The following IRF8 variants were observed in gnomAD, a reference collection of about 807,000 sequenced individuals.
IRF8 encodes interferon consensus sequence binding protein 1.
In IRF8, 14 loss-of-function variants were observed where a neutral mutation model predicts 48.7. The ratio of observed to expected loss-of-function variants is 0.29; its 90% CI spans 0.19 to 0.45. The LOEUF (loss-of-function observed/expected upper bound fraction) is 0.45, where lower values mean the gene tolerates loss of function less well. IRF8 is among the 20% of genes least tolerant of loss of function. The pLI is 1.00. For missense variants in IRF8, 493 were observed against 580.7 expected (o/e 0.85, Z 1.55); for synonymous variants, 278 against 227.3 (o/e 1.22, Z -2.01).
intron 2 of IRF8, among the ~76,000 whole-genome samples, chr16:85,906,238 A>T (rs1230572624): frequency 3.3e-5 from 5 of 151,888 alleles, no homozygotes; most frequent in Non-Finnish European, 5.9e-5. Flanking sequence ...AATTAGGAAG[A>T]CCTCCTGGTC....
At chr16:85,904,812 C>CTTTTTTTTTTTTTTTTGTTTTTTTTT (rs1904942372) in intron 2 of IRF8, among the ~76,000 whole-genome samples, 1 of 87,598 alleles carries the variant, frequency 1.1e-5, no homozygotes, top group African/African-American at 4.9e-5. Flanking sequence ...GATTGCAGAT[C>CTTTTTTTTTTTTTTTTGTTTTTTTTT]TTTTTTTTTT....
rs1281772022 is a variant in IRF8, at chr16:85,911,671, A to G, written c.447+13A>G. 1 of 1,609,834 alleles carries G rather than the reference A, an allele frequency of 6.2e-7. No individual in the cohort carries two copies. On this transcript the variant is annotated intron_variant, in intron 4 of 8. Transcript: ENST00000268638. ...GCTGATCAAGGAGGTAAGCAGAGGC[A>G]GCATTTCAGGGGTCTGGCCCTGCCA... is the stretch of plus-strand genomic sequence containing the variant.
chr16:85,908,849 T>C (rs1905070470), intron 2 of IRF8, 141 bp from the exon 3 acceptor site: 4 of 796,392 alleles, frequency 5.0e-6, no homozygotes, highest in African/African-American at 1.7e-5. Flanking sequence ...TGGAGTCTCT[T>C]TGGGTCCTGA....
intron 3 of IRF8, chr16:85,909,619 A>T (rs572454846): frequency 3.4e-3 from 775 of 227,480 alleles, no homozygotes; most frequent in Non-Finnish European, 5.9e-3. Flanking sequence ...GATATGCCTC[A>T]GTGTGTTACT....
intron 5 of IRF8, 121 bp downstream of exon 5, chr16:85,913,357 G>A: frequency 1.3e-6 from 1 of 755,234 alleles, no homozygotes; most frequent in African/African-American, 1.7e-5. Context: ...ATTAAAGGTA[G>A]CTCAGCCCTG....
intron 6 of IRF8, among the ~76,000 whole-genome samples, chr16:85,915,747 C>G (rs536026374): frequency 5.9e-5 from 9 of 152,292 alleles, no homozygotes; most frequent in African/African-American, 2.2e-4. Context: ...AGTCTGCTGA[C>G]CAGTGCTTTC....
At chr16:85,916,730 G>C (rs1357628802) in intron 6 of IRF8, among the ~76,000 whole-genome samples, 1 of 152,220 alleles carries the variant, frequency 6.6e-6, no homozygotes, top group Non-Finnish European at 1.5e-5. Context: ...CATTCATTTG[G>C]AACAAAGTTC....
chr16:85,906,069 C>T (rs1431736192), intron 2 of IRF8, among the ~76,000 whole-genome samples: 1 of 152,134 alleles, frequency 6.6e-6, no homozygotes, highest in African/African-American at 2.4e-5. Context: ...GGGGGAAAAT[C>T]TAGTTAAGTG....
At chr16:85,921,058 C>T (rs1198769984) in intron 8 of IRF8, 48 bp from the exon 9 acceptor site, 1 of 1,566,284 alleles carries the variant, frequency 6.4e-7, no homozygotes, top group South Asian at 1.2e-5. Flanking sequence ...TGCCCACCCC[C>T]TTTGGAGCCT....
At chr16:85,913,004 G>T in intron 4 of IRF8, 127 bp from the exon 5 acceptor site, 1 of 808,240 alleles carries the variant, frequency 1.2e-6, no homozygotes, top group African/African-American at 1.7e-5. Flanking sequence ...CTTGACTTTT[G>T]TCTCCTGAGA....
chr16:85,916,851 G>A (rs568287728), intron 6 of IRF8, among the ~76,000 whole-genome samples: 4 of 152,268 alleles, frequency 2.6e-5, no homozygotes, highest in South Asian at 4.1e-4. Flanking sequence ...CGAGACCAGC[G>A]GGGAAGATGG....
At chr16:85,899,545 C>T (rs1904757312) in intron 1 of IRF8, among the ~76,000 whole-genome samples, 1 of 152,200 alleles carries the variant, frequency 6.6e-6, no homozygotes, top group Admixed American at 6.5e-5. Flanking sequence ...ATAGCAACCC[C>T]CTATCTTGAA....
At chr16:85,904,812 CTTTTTTTTTT>C (rs1177860791) in intron 2 of IRF8, among the ~76,000 whole-genome samples, 1 of 87,598 alleles carries the variant, frequency 1.1e-5, no homozygotes, top group African/African-American at 4.9e-5. Context: ...GATTGCAGAT[CTTTTTTTTTT>C]TTTTTTTTTT....
chr16:85,900,019 A>C (rs1197012813), intron 1 of IRF8, among the ~76,000 whole-genome samples: 1 of 152,234 alleles, frequency 6.6e-6, no homozygotes, highest in Non-Finnish European at 1.5e-5. Context: ...ACTGGTAGTT[A>C]AAATGACAGT....
intron 1 of IRF8, 137 bp downstream of exon 1, chr16:85,899,360 C>T (rs1222557668): frequency 6.6e-6 from 1 of 152,284 alleles, no homozygotes. Context: ...ACCCGTGTCC[C>T]TCTCTGCTTT....
chr16:85,901,132 G>C (rs1204421480), intron 1 of IRF8: 1 of 152,206 alleles, frequency 6.6e-6, no homozygotes, highest in Non-Finnish European at 1.5e-5. Context: ...TTTGGTATTG[G>C]TGTTCCATTT....
At chr16:85,914,973 A>G (rs1905256432) in intron 6 of IRF8, among the ~76,000 whole-genome samples, 1 of 152,192 alleles carries the variant, frequency 6.6e-6, no homozygotes, top group Admixed American at 6.5e-5. Flanking sequence ...CAGGAGAGAC[A>G]GTGAGGGACA....
At chr16:85,911,808 C>T (rs1031287793) in intron 4 of IRF8, 150 bp downstream of exon 4, 55 of 704,608 alleles carry the variant, frequency 7.8e-5, no homozygotes, top group South Asian at 5.4e-4. Flanking sequence ...AGATCTGGAA[C>T]GGAAGGACTG....
chr16:85,911,428 T>C (rs564810575), intron 3 of IRF8, 142 bp from the exon 4 acceptor site: 1 of 721,072 alleles, frequency 1.4e-6, no homozygotes, highest in Non-Finnish European at 2.5e-6. Flanking sequence ...GGAAAAAAAT[T>C]CTGTGCCTTT....
Sources: allele counts gnomAD v4.1 joint callset (sites outside exome capture counted in the v4.1 genomes callset), GRCh38; gene constraint gnomAD v4.1.1; transcripts MANE v1.5; gene names NCBI Gene and HGNC (gene_info 2026-07-23, HGNC 2026-07-21).